The following ASCC3 variants were observed in gnomAD, a reference collection of about 807,000 sequenced individuals.
The protein encoded by ASCC3 is ASC-1 complex subunit P200.
In ASCC3, 158 loss-of-function variants were observed where a neutral mutation model predicts 256.3. The observed-to-expected ratio is 0.62, with a 90% confidence interval of 0.54 to 0.70. ASCC3 has a LOEUF of 0.70. ASCC3 is among the 30% of genes least tolerant of loss of function. The probability of loss-of-function intolerance (pLI) is 0.00; values close to 1 mark genes in which losing one functional copy is unlikely to be tolerated. For missense variants in ASCC3, 2,259 were observed against 2,626.0 expected (o/e 0.86, Z 3.05); for synonymous variants, 948 against 883.4 (o/e 1.07, Z -1.30).
chr6:100,707,091 A>G lies in ASCC3; in HGVS notation c.2151+8371T>C, dbSNP rs574573122. ...ATGTTAAAACTTTGAAGACAAGACA[A>G]TGCATCAAAATCAAATCATATTTAC... is the stretch of plus-strand genomic sequence containing the variant. On this transcript the variant is annotated intron_variant, in intron 13 of 41. Coordinates refer to ENST00000369162, the MANE Select transcript of ASCC3 (RefSeq NM_006828.4). Among the ~76,000 whole-genome samples the G allele has an allele frequency of 2.6e-5, 4 of 152,222 alleles. No homozygotes were observed. The East Asian group carries it at 7.7e-4, about 29-fold the overall frequency.
At chr6:100,681,857 G>T (rs575780970) in intron 13 of ASCC3, among the ~76,000 whole-genome samples, 1 of 151,060 alleles carries the variant, frequency 6.6e-6, no homozygotes, top group South Asian at 2.1e-4. Flanking sequence ...CAAATCTTTT[G>T]ATTTTTGATA....
intron 3 of ASCC3, among the ~76,000 whole-genome samples, chr6:100,849,856 T>G (rs1438872487): frequency 6.6e-6 from 1 of 151,946 alleles, no homozygotes; most frequent in East Asian, 1.9e-4. Context: ...TCCCAGCACT[T>G]TGGGAGGCCG....
intron 4 of ASCC3, among the ~76,000 whole-genome samples, chr6:100,828,826 C>T (rs1771466005): frequency 6.6e-6 from 1 of 151,992 alleles, no homozygotes; most frequent in African/African-American, 2.4e-5. Context: ...ACAAAGCTTC[C>T]ACAGTGTGGA....
intron 26 of ASCC3, 135 bp downstream of exon 26, chr6:100,630,993 T>C (rs1774512482): frequency 1.5e-6 from 1 of 648,624 alleles, no homozygotes; most frequent in Non-Finnish European, 2.7e-6. Context: ...TGAAAATCAA[T>C]GTAAAACCAT....
At chr6:100,550,324 T>C (rs1769227398) in intron 36 of ASCC3, among the ~76,000 whole-genome samples, 1 of 151,920 alleles carries the variant, frequency 6.6e-6, no homozygotes, top group South Asian at 2.1e-4. Context: ...AATAGTATTA[T>C]CTATTAATTA....
chr6:100,679,432 G>C (rs1382608843), intron 14 of ASCC3, among the ~76,000 whole-genome samples, 186 bp downstream of exon 14: 2 of 152,112 alleles, frequency 1.3e-5, no homozygotes, highest in Admixed American at 6.6e-5. Flanking sequence ...GGAATGATAA[G>C]TGTTATGTCA....
intron 36 of ASCC3, among the ~76,000 whole-genome samples, chr6:100,556,639 T>C (rs1769589830): frequency 6.6e-6 from 1 of 152,158 alleles, no homozygotes; most frequent in Non-Finnish European, 1.5e-5. Flanking sequence ...TAATTCTTTA[T>C]TATGTATATA....
chr6:100,525,501 T>C (rs240785), intron 37 of ASCC3, among the ~76,000 whole-genome samples: 11,247 of 152,072 alleles, frequency 0.074, 623 homozygotes, highest in African/African-American at 0.15. Flanking sequence ...GACTCCAGAA[T>C]AGAAAACGGC....
In ASCC3 at chr6:100,569,674, C is replaced by T. The variant is rs191400360; in HGVS notation, c.5550+19960G>A. Among the ~76,000 whole-genome samples, 140 of 152,066 alleles carry T rather than the reference C, an allele frequency of 9.2e-4. 1 individual carries two copies. Among genetic ancestry groups the T allele is most frequent in the African/African-American group, 2.8e-3 (115 of 41,508 alleles). On this transcript the variant is annotated intron_variant, in intron 36 of 41. Transcript: ENST00000369162. Reference sequence around the variant, plus strand: ...GCTGGGATTACAGGCGTGGCGCGGTCGGTTACTGTAACCTTTTAATATAGT... The same window carrying T: ...GCTGGGATTACAGGCGTGGCGCGGTTGGTTACTGTAACCTTTTAATATAGT...
intron 3 of ASCC3, chr6:100,858,536 T>A (rs1773070069): frequency 1.1e-6 from 1 of 952,088 alleles, no homozygotes; most frequent in African/African-American, 1.8e-5. Context: ...TGTTAGATAT[T>A]CATAAAATGC....
At chr6:100,517,932 TA>T (rs1774114440) in intron 38 of ASCC3, 58 bp downstream of exon 38, 15 of 1,561,924 alleles carry the variant, frequency 9.6e-6, no homozygotes, top group African/African-American at 4.1e-5. Flanking sequence ...ACTACATATA[TA>T]AAAAATATTT....
At chr6:100,542,411 G>A (rs1237710375) in intron 36 of ASCC3, among the ~76,000 whole-genome samples, 1 of 152,106 alleles carries the variant, frequency 6.6e-6, no homozygotes, top group East Asian at 1.9e-4. Context: ...GGCCGGGCGC[G>A]GTGGCTCACG....
intron 30 of ASCC3, among the ~76,000 whole-genome samples, chr6:100,618,152 A>C (rs1350426800): frequency 6.6e-6 from 1 of 152,246 alleles, no homozygotes; most frequent in Non-Finnish European, 1.5e-5. Context: ...GTAGGAAGCG[A>C]AAGAAGACTG....
chr6:100,582,070 C>T (rs1771313207), intron 36 of ASCC3, among the ~76,000 whole-genome samples: 3 of 151,822 alleles, frequency 2.0e-5, no homozygotes, highest in Non-Finnish European at 4.4e-5. Context: ...GTGATGCGGG[C>T]TCTTTTTTGG....
At chr6:100,809,820 T>G (rs1398455298) in intron 4 of ASCC3, among the ~76,000 whole-genome samples, 2 of 152,070 alleles carry the variant, frequency 1.3e-5, no homozygotes, top group Non-Finnish European at 2.9e-5. Flanking sequence ...ATGAAGTAAA[T>G]GGATGAGGCT....
At chr6:100,752,252 T>C (rs1213393003) in intron 10 of ASCC3, among the ~76,000 whole-genome samples, 3 of 152,162 alleles carry the variant, frequency 2.0e-5, no homozygotes, top group Non-Finnish European at 2.9e-5. Context: ...TGCTGGTTTG[T>C]GTTTATTTTT....
chr6:100,658,419 ATACTC>A (rs2114925409), intron 16 of ASCC3, among the ~76,000 whole-genome samples: 1 of 151,576 alleles, frequency 6.6e-6, no homozygotes, highest in East Asian at 1.9e-4. Flanking sequence ...ACTTAAGCAA[ATACTC>A]TAATCATCAT....
intron 14 of ASCC3, among the ~76,000 whole-genome samples, chr6:100,676,101 G>A (rs889246612): frequency 4.0e-5 from 6 of 151,852 alleles, no homozygotes; most frequent in Non-Finnish European, 7.4e-5. Context: ...TCTTTGAGGG[G>A]GAGAGTATAC....
At chr6:100,516,151 C>G in intron 39 of ASCC3, 29 bp downstream of exon 39, 6 of 1,613,144 alleles carry the variant, frequency 3.7e-6, no homozygotes, top group Non-Finnish European at 5.1e-6. Flanking sequence ...AGTAGGGGAG[C>G]CTTCAAAACA....
Sources: gnomAD v4.1 joint callset for allele counts (sites outside exome capture counted in the v4.1 genomes callset) on GRCh38, gnomAD v4.1.1 for gene constraint, MANE v1.5 for transcripts, NCBI Gene and HGNC (gene_info 2026-07-23, HGNC 2026-07-21) for gene names.